STXBP3: variants seen among roughly 807,000 people sequenced by gnomAD.
STXBP3 encodes syntaxin-binding protein 3.
Under a neutral mutation model 85.7 loss-of-function variants are expected in STXBP3, and 41 were observed. The ratio of observed to expected loss-of-function variants is 0.48; its 90% CI spans 0.37 to 0.62. The LOEUF is 0.62. Ranked by LOEUF, STXBP3 falls within the 20% of genes least tolerant of loss-of-function variation. The pLI, the probability that STXBP3 is intolerant of heterozygous loss-of-function variation, is 0.00. For synonymous variants in STXBP3, 229 were observed against 231.7 expected (o/e 0.99, Z 0.10); for missense variants, 563 against 703.1 (o/e 0.80, Z 2.25).
In STXBP3 at chr1:108,808,803, C is replaced by T. The variant is rs766277888; in HGVS notation, c.1705C>T (p.Pro569Ser). 1.9e-6 allele frequency: 3 copies of T among 1,612,584 alleles called. No individual in the cohort carries two copies. Among genetic ancestry groups the T allele is most frequent in the Non-Finnish European group, 2.5e-6 (3 of 1,179,518 alleles). ...ACCAGGTTCTACACATGTTTTAACA[C>T]CCAAAAAGCTGTTGGATGATATAAA... ...VIIGSTHVLT[P>S]KKLLDDIKML... The change falls in exon 19 of 19, where the codon CCC (proline) becomes TCC (serine). Residue 569 changes from proline (P) to serine (S), a missense_variant. Coordinates refer to ENST00000370008, the MANE Select transcript of STXBP3 (RefSeq NM_007269.4).
At chr1:108,806,360 T>A (rs1362272621) in intron 17 of STXBP3, among the ~76,000 whole-genome samples, 1 of 152,148 alleles carries the variant, frequency 6.6e-6, no homozygotes, top group South Asian at 2.1e-4. Context: ...AATTTAAATT[T>A]AAATAGCCTC....
chr1:108,786,649 A>G (rs1662836406), intron 11 of STXBP3, among the ~76,000 whole-genome samples: 2 of 152,192 alleles, frequency 1.3e-5, no homozygotes, highest in Admixed American at 6.5e-5. Context: ...CAATTTGTCT[A>G]TCCTTGTAAC....
intron 7 of STXBP3, among the ~76,000 whole-genome samples, chr1:108,775,201 T>C (rs1008725213): frequency 1.3e-5 from 2 of 152,118 alleles, no homozygotes; most frequent in African/African-American, 4.8e-5. Flanking sequence ...TGTAAAACTT[T>C]GAAGCCCTCA....
At chr1:108,799,980 A>C (rs1663199282) in intron 16 of STXBP3, among the ~76,000 whole-genome samples, 1 of 152,198 alleles carries the variant, frequency 6.6e-6, no homozygotes, top group Non-Finnish European at 1.5e-5. Context: ...TCCTTATAAC[A>C]GCATGGGGAC....
chr1:108,780,452 C>G (rs2642455), intron 9 of STXBP3: 2 of 150,962 alleles, frequency 1.3e-5, no homozygotes, highest in Non-Finnish European at 2.9e-5. Context: ...TCCCTTCTTT[C>G]TGAATCAAAA....
At chr1:108,758,111 T>C (rs1464695436) in intron 4 of STXBP3, among the ~76,000 whole-genome samples, 1 of 152,110 alleles carries the variant, frequency 6.6e-6, no homozygotes, top group African/African-American at 2.4e-5. Context: ...GTCATAAGTC[T>C]TGGTGGTTCG....
At chr1:108,747,261 G>A (rs959525784) in intron 1 of STXBP3, among the ~76,000 whole-genome samples, 2 of 145,394 alleles carry the variant, frequency 1.4e-5, no homozygotes, top group African/African-American at 2.5e-5. Flanking sequence ...ATTCGTGTTA[G>A]TATCAACCCG....
Position 108,752,311 on chromosome 1 carries a change from A to T in STXBP3, c.99+5A>T, listed in dbSNP as rs1486844420. ...AAGAAAGAAGGCGAATGGAAGGTAG[A>T]GTTTGCATACCTTGCTCTTATAAAA... is the stretch of plus-strand genomic sequence containing the variant. On this transcript the variant is annotated splice_donor_5th_base_variant and intron_variant, in intron 2 of 18. Transcript: ENST00000370008. The T allele has an allele frequency of 6.2e-7, 1 of 1,611,374 alleles. No individual in the cohort carries two copies. The highest frequency in any genetic ancestry group is 8.5e-7 in the Non-Finnish European group (1 of 1,178,266).
At position 108,771,452 on chromosome 1, in the gene STXBP3, C is replaced by T. The variant is rs11581193; in HGVS notation, c.439-1213C>T. 1.1e-3 allele frequency among the ~76,000 whole-genome samples: 10 copies of T among 9,128 alleles called. 2 individuals are homozygous for T. The highest frequency in any genetic ancestry group is 2.1e-3 in the Non-Finnish European group (9 of 4,252). The allele number at this position is 9,128 out of a possible 152,430, so 6.0% of individuals were successfully genotyped here. A position where few individuals can be genotyped will look rare whatever the true frequency, so the allele number is the denominator to read the frequency against. ...ATATATGATATATATCTATATATAT[C>T]ATATATAAATATATATGATATATAT... On this transcript the variant is annotated intron_variant, in intron 6 of 18. Transcript: ENST00000370008.
At chr1:108,775,438 T>G (rs1273065135) in intron 7 of STXBP3, among the ~76,000 whole-genome samples, 1 of 152,062 alleles carries the variant, frequency 6.6e-6, no homozygotes, top group Non-Finnish European at 1.5e-5. Flanking sequence ...AACAATCCAA[T>G]TATACTCTTA....
At chr1:108,786,210 G>T (rs1662821084) in intron 11 of STXBP3, among the ~76,000 whole-genome samples, 1 of 152,172 alleles carries the variant, frequency 6.6e-6, no homozygotes, top group Non-Finnish European at 1.5e-5. Flanking sequence ...TTATAGTCAT[G>T]GTGAAAGGCA....
Position 108,747,969 on chromosome 1 carries a change from G to GAT in STXBP3, c.49+1190_49+1191dup, listed in dbSNP as rs576629306. On this transcript the variant is annotated intron_variant, in intron 1 of 18. Coordinates refer to ENST00000370008, the MANE Select transcript of STXBP3 (RefSeq NM_007269.4). ...ACAAATTGTGTTGTATAATTTCCAA[G>GAT]ATATATATGTGATTAACATCCGCAT... Among the ~76,000 whole-genome samples, 18 of 152,256 alleles carry GAT rather than the reference G, an allele frequency of 1.2e-4. No individual in the cohort carries two copies. In the East Asian group the frequency reaches 3.3e-3, roughly 28 times the overall value.
Position 108,765,773 on chromosome 1 carries a change from G to A in STXBP3, c.438+5688G>A, listed in dbSNP as rs1052037335. On this transcript the variant is annotated intron_variant, in intron 6 of 18. Transcript: ENST00000370008. ...TTTAGTAGAAATGAGATTTCACCAT[G>A]TTGACCAGGCTGGTCTCAAACTCCT... Among the ~76,000 whole-genome samples the A allele has an allele frequency of 2.0e-5, 3 of 150,124 alleles. No homozygotes were observed. In the South Asian group the frequency reaches 6.3e-4, roughly 32 times the overall value.
Position 108,759,845 on chromosome 1 carries a change from A to T in STXBP3, c.338-140A>T, listed in dbSNP as rs376398000. On this transcript the variant is annotated intron_variant, in intron 5 of 18. Coordinates refer to ENST00000370008, the MANE Select transcript of STXBP3 (RefSeq NM_007269.4). ...TATATCTTTTGTAAAGCAAATAACAATATTTATATATTATTTATGTCCTCA... is the reference window on the plus strand; with the variant it reads ...TATATCTTTTGTAAAGCAAATAACATTATTTATATATTATTTATGTCCTCA... 13 of 536,474 alleles carry T rather than the reference A, an allele frequency of 2.4e-5. 1 individual carries two copies. The highest frequency in any genetic ancestry group is 2.4e-4 in the Admixed American group (6 of 25,314). The allele number at this position is 536,474 out of a possible 1,614,324, so 33.2% of individuals were successfully genotyped here.
chr1:108,773,801 A>G (rs1355548492), intron 7 of STXBP3, among the ~76,000 whole-genome samples: 8 of 152,174 alleles, frequency 5.3e-5, no homozygotes, highest in Non-Finnish European at 4.4e-5. Flanking sequence ...GGGATCATGC[A>G]AACGCCACAC....
chr1:108,796,855 A>G (rs1288191983), intron 15 of STXBP3, 129 bp downstream of exon 15: 16 of 567,226 alleles, frequency 2.8e-5, no homozygotes, highest in East Asian at 1.7e-4. Context: ...TAAGTAAGCA[A>G]TTAAAGATTT....
In STXBP3 at chr1:108,760,070, T is replaced by C; in HGVS notation, c.423T>C (p.Ile141=). The C allele has an allele frequency of 6.4e-7, 1 of 1,555,460 alleles. No homozygotes were observed. Among genetic ancestry groups the C allele is most frequent in the Non-Finnish European group, 8.7e-7 (1 of 1,154,934 alleles). ...RRCKEINISF[I]PHESQVYTLD... The stretch of plus-strand genomic sequence containing the variant: ...GTAAAGAAATAAATATTTCCTTCAT[T>C]CCACATGAATCTCAGGTACTTTCTA... Residue 141 remains isoleucine, a synonymous_variant, in exon 6 of 19, where the codon ATT becomes ATC. Coordinates refer to ENST00000370008, the MANE Select transcript of STXBP3 (RefSeq NM_007269.4).
chr1:108,781,108 C>G (rs189581935), intron 9 of STXBP3: 1 of 152,244 alleles, frequency 6.6e-6, no homozygotes, highest in Non-Finnish European at 1.5e-5. Context: ...TTACAGATCA[C>G]TTATAAGTCA....
intron 1 of STXBP3, among the ~76,000 whole-genome samples, chr1:108,747,716 T>TA (rs1297256209): frequency 6.6e-6 from 1 of 152,232 alleles, no homozygotes; most frequent in Non-Finnish European, 1.5e-5. Context: ...TTCTGGGAGT[T>TA]AGAGTTCCTT....
Sources: gnomAD v4.1 joint callset for allele counts (sites outside exome capture counted in the v4.1 genomes callset) on GRCh38, gnomAD v4.1.1 for gene constraint, MANE v1.5 for transcripts, NCBI Gene and HGNC (gene_info 2026-07-23, HGNC 2026-07-21) for gene names.